Variants in TMEM59 observed in about 807,000 individuals in gnomAD.
TMEM59 encodes the protein transmembrane protein 59, also known as dendritic cell factor 1.
In TMEM59, 44 loss-of-function variants were observed where a neutral mutation model predicts 42.2. That is an observed-to-expected ratio of 1.04 (90% CI 0.82 to 1.34). The LOEUF (loss-of-function observed/expected upper bound fraction) is 1.34. Among genes scored for constraint, TMEM59 ranks in the 40% most tolerant of loss-of-function variants. The pLI is 0.00. For synonymous variants in TMEM59, 148 were observed against 145.8 expected (o/e 1.02, Z -0.11); for missense variants, 359 against 382.8 (o/e 0.94, Z 0.52).
In TMEM59 at chr1:54,029,385, C is replaced by T. The variant is rs759752909; in HGVS notation, c.*2765G>A. 3.3e-5 allele frequency: 5 copies of T among 152,136 alleles called. No homozygotes were observed. Among genetic ancestry groups the T allele is most frequent in the Admixed American group, 2.6e-4 (4 of 15,282 alleles). 9.4% of individuals were successfully genotyped at this position (152,136 alleles called of 1,614,324 possible). A position where few individuals can be genotyped will look rare whatever the true frequency, so the allele number is the denominator to read the frequency against. ...ATGTCTCTTAGATGAGGGACCTGAG[C>T]CAAGAAAGACCTTAGAAGTCTGGGA... is the stretch of plus-strand genomic sequence containing the variant. On this transcript the variant is annotated 3_prime_UTR_variant, in exon 8 of 8. Coordinates refer to ENST00000234831, the MANE Select transcript of TMEM59 (RefSeq NM_004872.5).
intron 1 of TMEM59, chr1:54,047,959 C>A (rs938545024): frequency 2.6e-5 from 4 of 152,518 alleles, no homozygotes; most frequent in Non-Finnish European, 4.4e-5. Context: ...CAAAGTGAGA[C>A]CCTGTTGCTT....
chr1:54,047,402 CA>C (rs1557679954), intron 1 of TMEM59, 30 bp from the exon 2 acceptor site: 2 of 1,561,456 alleles, frequency 1.3e-6, no homozygotes, highest in South Asian at 2.3e-5. Flanking sequence ...GAAGGGTTAC[CA>C]AAAAATAGTA....
intron 1 of TMEM59, among the ~76,000 whole-genome samples, chr1:54,051,794 C>T (rs903177061): frequency 3.3e-5 from 5 of 152,266 alleles, no homozygotes; most frequent in Middle Eastern, 3.4e-3. Context: ...ACTTCTTTCT[C>T]GATTGTTACA....
Position 54,045,575 on chromosome 1 carries a change from G to A in TMEM59, c.390+117C>T, listed in dbSNP as rs749134653. 1,239 of 1,028,538 alleles carry A rather than the reference G, an allele frequency of 1.2e-3. 2 individuals carry two copies. The highest frequency in any genetic ancestry group is 1.7e-3 in the Non-Finnish European group (1,134 of 687,234). 63.7% of individuals were successfully genotyped at this position (1,028,538 alleles called of 1,614,324 possible). A position where few individuals can be genotyped will look rare whatever the true frequency, so the allele number is the denominator to read the frequency against. ...TATTTGCAAACTAATTTTGTTTGCT[G>A]AAAGCCAAATATAAAATATAACACT... On this transcript the variant is annotated intron_variant, in intron 3 of 7. Coordinates refer to ENST00000234831, the MANE Select transcript of TMEM59 (RefSeq NM_004872.5).
Position 54,053,154 on chromosome 1 carries a change from G to A in TMEM59, c.35C>T (p.Thr12Ile), listed in dbSNP as rs1657634656. ...CAGCAGCGGCGGGAGCCCCAGTTGG[G>A]TCCTCACCCAGAGGCTCCCCTTCGG... The part of the protein sequence containing the change: ...AAPKGSLWVR[T>I]QLGLPPLLLL... Residue 12 changes from threonine (T) to isoleucine (I), a missense_variant, in exon 1 of 8, where the codon ACC (threonine) becomes ATC (isoleucine). Transcript: ENST00000234831. 3 of 1,614,212 alleles carry A rather than the reference G, an allele frequency of 1.9e-6. No individual in the cohort carries two copies. The highest frequency in any genetic ancestry group is 2.5e-6 in the Non-Finnish European group (3 of 1,180,032).
chr1:54,051,389 C>G (rs745472869), intron 1 of TMEM59, among the ~76,000 whole-genome samples: 3 of 152,144 alleles, frequency 2.0e-5, no homozygotes, highest in Admixed American at 1.3e-4. Flanking sequence ...ATATAAATTT[C>G]AAGTCCAGGA....
At chr1:54,051,024 T>C (rs1657519728) in intron 1 of TMEM59, among the ~76,000 whole-genome samples, 1 of 151,020 alleles carries the variant, frequency 6.6e-6, no homozygotes. Context: ...AGTTTTTTTG[T>C]TTTTCTTTTT....
chr1:54,053,412 C>T (rs1179443094), upstream of TMEM59: 11 of 576,650 alleles, frequency 1.9e-5, no homozygotes, highest in East Asian at 2.1e-4. Flanking sequence ...ATTCAACCAT[C>T]GCAAGCGTTA....
At chr1:54,036,271 A>C in intron 7 of TMEM59, among the ~76,000 whole-genome samples, 1 of 150,840 alleles carries the variant, frequency 6.6e-6, no homozygotes, top group South Asian at 2.1e-4. Context: ...GACAGATGAG[A>C]CTCTGCCTCA....
rs192497646 is a variant in TMEM59 at position 54,048,248 on chromosome 1, G to A, written c.190-876C>T. On this transcript the variant is annotated intron_variant, in intron 1 of 7. Coordinates refer to ENST00000234831, the MANE Select transcript of TMEM59 (RefSeq NM_004872.5). ...GAAAACACAGGAGCAACAGTGTGGT[G>A]TATGGGAAAGGACACTGCAATCAGC... Among the ~76,000 whole-genome samples, 342 of 152,332 alleles carry A rather than the reference G, an allele frequency of 2.2e-3. 1 individual carries two copies. The highest frequency in any genetic ancestry group is 3.6e-3 in the Non-Finnish European group (248 of 68,026).
At chr1:54,042,051 GTTTTGT>G (rs1018885121) in intron 4 of TMEM59, among the ~76,000 whole-genome samples, 1 of 143,244 alleles carries the variant, frequency 7.0e-6, no homozygotes, top group African/African-American at 2.6e-5. Flanking sequence ...ACAACGTTTT[GTTTTGT>G]TTTTTTTTTT....
chr1:54,039,014 T>A (rs948436285), intron 6 of TMEM59, among the ~76,000 whole-genome samples: 2 of 152,280 alleles, frequency 1.3e-5, no homozygotes, highest in Non-Finnish European at 2.9e-5. Context: ...CAGCTAATTT[T>A]TTTATTTTTT....
In TMEM59 at chr1:54,047,326, A is replaced by G; in HGVS notation, c.236T>C (p.Ile79Thr). 6.2e-7 allele frequency: 1 copy of G among 1,614,020 alleles called. No individual in the cohort carries two copies. The change falls in exon 2 of 8, where the codon ATT becomes ACT. Residue 79 changes from isoleucine to threonine, a missense_variant. Transcript: ENST00000234831. Reference protein sequence around the residue: ...ACQRGCRLFSICQFVDDGIDL... With the variant: ...ACQRGCRLFSTCQFVDDGIDL... Reference sequence around the variant, plus strand: ...AATTCCATCATCCACAAACTGACAAATTGAAAACAGCCTGCAACCTCTCTG... The same window carrying G: ...AATTCCATCATCCACAAACTGACAAGTTGAAAACAGCCTGCAACCTCTCTG...
At chr1:54,044,186 C>T (rs1016101650) in intron 3 of TMEM59, 6 of 151,308 alleles carry the variant, frequency 4.0e-5, no homozygotes, top group African/African-American at 1.5e-4. Context: ...ACTAAAAATA[C>T]ACAAAAATTA....
chr1:54,047,810 AC>A (rs1657394816), intron 1 of TMEM59: 1 of 187,806 alleles, frequency 5.3e-6, no homozygotes, highest in African/African-American at 2.4e-5. Flanking sequence ...AAACAAACAC[AC>A]ACACAAAAAT....
chr1:54,043,441 G>T lies in TMEM59; in HGVS notation c.475C>A (p.Gln159Lys). 6.3e-7 allele frequency: 1 copy of T among 1,585,108 alleles called. No individual in the cohort carries two copies. Among genetic ancestry groups the T allele is most frequent in the Non-Finnish European group, 8.6e-7 (1 of 1,165,756 alleles). Residue 159 changes from glutamine (Q) to lysine (K), a missense_variant, in exon 4 of 8, where the codon CAG becomes AAG. Physicochemically the swap from Gln to Lys is moderately conservative, Grantham distance 53. Transcript: ENST00000234831. ...SFWSDMMDSA[Q>K]SFITSSWTFY... ...GTCCATGAAGAGGTTATGAAGCTCT[G>T]TGCGGAGTCCATCATGTCACTCCAG...
intron 4 of TMEM59, 87 bp from the exon 5 acceptor site, chr1:54,041,892 C>A: frequency 9.8e-7 from 1 of 1,017,886 alleles, no homozygotes; most frequent in South Asian, 1.5e-5. Flanking sequence ...TCTCTTTAAA[C>A]ATTTAAATTG....
chr1:54,053,372 T>G (rs188731862), upstream of TMEM59: 8 of 664,116 alleles, frequency 1.2e-5, no homozygotes, highest in Non-Finnish European at 2.0e-5. Context: ...GACTACGAAC[T>G]TCTTCTCCTA....
At chr1:54,034,863 A>C (rs1656894716) in intron 7 of TMEM59, 1 of 152,220 alleles carries the variant, frequency 6.6e-6, no homozygotes, top group African/African-American at 2.4e-5. Flanking sequence ...CTCAGAATTC[A>C]CATGTGACCG....
Sources: allele counts gnomAD v4.1 joint callset (sites outside exome capture counted in the v4.1 genomes callset), GRCh38; gene constraint gnomAD v4.1.1; transcripts MANE v1.5; gene names NCBI Gene and HGNC (gene_info 2026-07-23, HGNC 2026-07-21).